The following TRPS1 variants were observed in gnomAD, a reference collection of about 807,000 sequenced individuals.
TRPS1 encodes transcriptional repressor GATA binding 1.
In TRPS1, 6 loss-of-function variants were observed where a neutral mutation model predicts 101.2. The ratio of observed to expected loss-of-function variants is 0.06; its 90% CI spans 0.03 to 0.12. TRPS1 has a LOEUF of 0.12. Ranked by LOEUF, TRPS1 falls within the 10% of genes least tolerant of loss-of-function variation. The probability of loss-of-function intolerance (pLI) is 1.00; values close to 1 mark genes in which losing one functional copy is unlikely to be tolerated. For missense variants in TRPS1, 1,363 were observed against 1,567.0 expected (o/e 0.87, Z 2.20); for synonymous variants, 578 against 589.8 (o/e 0.98, Z 0.29).
intron 5 of TRPS1, chr8:115,492,096 A>T (rs800883): frequency 0.36 from 154,343 of 423,406 alleles, 31,263 homozygotes; most frequent in Non-Finnish European, 0.45. Context: ...AAGAAAAAAA[A>T]TCTATTGAGA....
At chr8:115,564,275 C>T (rs1230012114) in intron 5 of TRPS1, among the ~76,000 whole-genome samples, 2 of 152,038 alleles carry the variant, frequency 1.3e-5, no homozygotes, top group Non-Finnish European at 2.9e-5. Context: ...AAAGATGTGC[C>T]GTAGCTTTCA....
intron 5 of TRPS1, among the ~76,000 whole-genome samples, chr8:115,536,522 C>A (rs371733117): frequency 0.011 from 1,173 of 102,256 alleles, no homozygotes; most frequent in South Asian, 0.015. Context: ...GACTCCGTCT[C>A]AAAAAAAAAA....
chr8:115,564,025 A>C (rs1817008900), intron 5 of TRPS1, among the ~76,000 whole-genome samples: 1 of 152,098 alleles, frequency 6.6e-6, no homozygotes, highest in Non-Finnish European at 1.5e-5. Context: ...TATCCTAAAC[A>C]TTGTTCAGTT....
At chr8:115,608,592 T>C (rs1013630904) in intron 3 of TRPS1, among the ~76,000 whole-genome samples, 1 of 147,324 alleles carries the variant, frequency 6.8e-6, no homozygotes, top group Non-Finnish European at 1.5e-5. Context: ...TCTCCTGGCC[T>C]CTATGGATAC....
Position 115,587,115 on chromosome 8 carries a change from G to C in TRPS1, c.2586C>G (p.Thr862=), listed in dbSNP as rs1586430909. The part of the protein sequence containing the change: ...ARPIYGLAVE[T]KGFLQGAPAG... ...CTGGCGCCCCCTGCAGGAATCCCTT[G>C]GTTTCCACAGCCAAGCCATAAATAG... Residue 862 remains threonine (T), a synonymous_variant, in exon 5 of 7, where the codon ACC becomes ACG. Transcript: ENST00000395715. 6.2e-7 allele frequency: 1 copy of C among 1,614,148 alleles called. No individual in the cohort carries two copies.
chr8:115,654,857 A>C (rs1811644829), intron 1 of TRPS1, among the ~76,000 whole-genome samples: 1 of 152,220 alleles, frequency 6.6e-6, no homozygotes, highest in Non-Finnish European at 1.5e-5. Context: ...AAATAATGTG[A>C]ATATATCAAC....
intron 5 of TRPS1, among the ~76,000 whole-genome samples, chr8:115,421,426 A>G (rs1431726641): frequency 1.3e-5 from 2 of 152,166 alleles, no homozygotes; most frequent in Non-Finnish European, 1.5e-5. Flanking sequence ...CAGCCCTTGA[A>G]TCTTGTTATT....
At chr8:115,653,480 C>T (rs907168935) in intron 1 of TRPS1, among the ~76,000 whole-genome samples, 2 of 151,970 alleles carry the variant, frequency 1.3e-5, no homozygotes, top group African/African-American at 4.8e-5. Flanking sequence ...AGTTCCTTAA[C>T]CCATCTTAAA....
chr8:115,468,150 A>C (rs1322525204), intron 5 of TRPS1, among the ~76,000 whole-genome samples: 2 of 152,184 alleles, frequency 1.3e-5, no homozygotes, highest in Non-Finnish European at 1.5e-5. Flanking sequence ...ATCAAGTTCT[A>C]TATATTTTTT....
chr8:115,470,402 T>A (rs1814437266), intron 5 of TRPS1, among the ~76,000 whole-genome samples: 1 of 152,232 alleles, frequency 6.6e-6, no homozygotes, highest in African/African-American at 2.4e-5. Context: ...TGTTTTTACA[T>A]ATTAAGAACA....
At chr8:115,595,036 G>A (rs555950975) in intron 4 of TRPS1, among the ~76,000 whole-genome samples, 46 of 151,750 alleles carry the variant, frequency 3.0e-4, no homozygotes, top group Non-Finnish European at 5.2e-4. Context: ...ATTCTTCAAT[G>A]ACTAAATGAA....
intron 5 of TRPS1, among the ~76,000 whole-genome samples, chr8:115,532,260 C>A (rs62513003): frequency 6.7e-6 from 1 of 150,050 alleles, no homozygotes; most frequent in Non-Finnish European, 1.5e-5. Context: ...TTTTTTTTAC[C>A]ATACATGGTA....
chr8:115,541,030 CTT>C (rs1241310702), intron 5 of TRPS1, among the ~76,000 whole-genome samples: 2 of 151,992 alleles, frequency 1.3e-5, no homozygotes, highest in African/African-American at 4.8e-5. Context: ...ATTTTATACA[CTT>C]ATATAATATT....
intron 1 of TRPS1, among the ~76,000 whole-genome samples, chr8:115,657,638 G>A (rs769468823): frequency 2.6e-5 from 4 of 152,040 alleles, no homozygotes; most frequent in African/African-American, 7.2e-5. Flanking sequence ...ATCCATGGTC[G>A]AATGGTCAAA....
At position 115,418,464 on chromosome 8, in the gene TRPS1, G is replaced by A. The variant is rs1812975296; in HGVS notation, c.2701-12C>T. On this transcript the variant is annotated splice_polypyrimidine_tract_variant and intron_variant, in intron 5 of 6. Coordinates refer to ENST00000395715, the MANE Select transcript of TRPS1 (RefSeq NM_014112.5). The surrounding 1 kb of genome is among the most constrained non-coding windows in gnomAD (Gnocchi z 4.3). ...GAGCCTCTACGCCTCTGAAACAGGGGAAAAAAACCAAGGTCAGAGGTGAGT... is the reference window on the plus strand; with the variant it reads ...GAGCCTCTACGCCTCTGAAACAGGGAAAAAAAACCAAGGTCAGAGGTGAGT... 1.2e-6 allele frequency: 2 copies of A among 1,613,980 alleles called. No homozygotes were observed. Among genetic ancestry groups the A allele is most frequent in the Non-Finnish European group, 1.7e-6 (2 of 1,179,930 alleles).
intron 5 of TRPS1, among the ~76,000 whole-genome samples, chr8:115,500,734 T>C (rs1041359093): frequency 2.0e-5 from 3 of 151,956 alleles, no homozygotes; most frequent in Non-Finnish European, 4.4e-5. Context: ...CATGCCTGGC[T>C]AATTTTTTTG....
Position 115,413,791 on chromosome 8 carries a change from T to A in TRPS1, c.*232A>T. 1 of 535,120 alleles carries A rather than the reference T, an allele frequency of 1.9e-6. No individual in the cohort carries two copies. Among genetic ancestry groups the A allele is most frequent in the Non-Finnish European group, 3.3e-6 (1 of 304,724 alleles). The allele number at this position is 535,120 out of a possible 1,614,324, so 33.1% of individuals were successfully genotyped here. ...CAAGATGGTTTTGACTTAACAGGTT[T>A]TAAAAAGTGATTGTTTACCATCTTC... On this transcript the variant is annotated 3_prime_UTR_variant, in exon 7 of 7. Transcript: ENST00000395715.
At chr8:115,457,618 G>A (rs555154830) in intron 5 of TRPS1, among the ~76,000 whole-genome samples, 5 of 152,262 alleles carry the variant, frequency 3.3e-5, no homozygotes, top group African/African-American at 7.2e-5. Flanking sequence ...TTTATGTGAT[G>A]TGTATTTCAC....
intron 3 of TRPS1, among the ~76,000 whole-genome samples, chr8:115,606,608 C>T (rs959696409): frequency 6.6e-6 from 1 of 152,104 alleles, no homozygotes; most frequent in Non-Finnish European, 1.5e-5. Flanking sequence ...ACCTGACAAT[C>T]ATTCAATGGT....
Sources: allele counts gnomAD v4.1 joint callset (sites outside exome capture counted in the v4.1 genomes callset), GRCh38; gene constraint gnomAD v4.1.1; non-coding constraint Gnocchi (gnomAD v3.1); transcripts MANE v1.5; gene names NCBI Gene and HGNC (gene_info 2026-07-23, HGNC 2026-07-21).